The following MGAT5B variants were observed in gnomAD, a reference collection of about 807,000 sequenced individuals.
MGAT5B encodes N-acetylglucosaminyl-transferase Vb.
A neutral mutation model predicts 95.1 loss-of-function variants in MGAT5B; 54 were observed. That is an observed-to-expected ratio of 0.57 (90% CI 0.46 to 0.71). MGAT5B has a LOEUF of 0.71. Among genes scored for constraint, MGAT5B ranks in the 30% least tolerant of loss-of-function variants. MGAT5B has a pLI of 0.00. For synonymous variants in MGAT5B, 464 were observed against 451.0 expected (o/e 1.03, Z -0.36); for missense variants, 935 against 1,088.6 (o/e 0.86, Z 1.99).
chr17:76,903,545 T>G (rs1357748926), intron 5 of MGAT5B, among the ~76,000 whole-genome samples, 169 bp downstream of exon 5: 2 of 152,182 alleles, frequency 1.3e-5, no homozygotes, highest in African/African-American at 4.8e-5. Flanking sequence ...AGAGTCTCCC[T>G]CAGGTGTCGG....
chr17:76,887,908 C>T (rs1233628928), intron 3 of MGAT5B, among the ~76,000 whole-genome samples: 2 of 151,908 alleles, frequency 1.3e-5, no homozygotes, highest in East Asian at 1.9e-4. Flanking sequence ...TCCTCTACTC[C>T]CCGCTCCCTC....
intron 3 of MGAT5B, among the ~76,000 whole-genome samples, chr17:76,895,190 C>A (rs941168601): frequency 3.9e-5 from 6 of 151,942 alleles, no homozygotes; most frequent in Non-Finnish European, 8.8e-5. Flanking sequence ...TCAAGGTTGC[C>A]TTCTTCTGAT....
chr17:76,932,446 A>T (rs1562084), intron 10 of MGAT5B, among the ~76,000 whole-genome samples, 199 bp from the exon 11 acceptor site: 9 of 152,068 alleles, frequency 5.9e-5, no homozygotes, highest in African/African-American at 1.7e-4. Context: ...GGTTTCCTTC[A>T]GCTCTGATCT....
chr17:76,922,772 G>A (rs764382510), intron 8 of MGAT5B, among the ~76,000 whole-genome samples: 13 of 152,366 alleles, frequency 8.5e-5, no homozygotes, highest in Admixed American at 2.6e-4. Flanking sequence ...GAAGGTTGGA[G>A]GGATGGAGGA....
intron 3 of MGAT5B, among the ~76,000 whole-genome samples, chr17:76,899,376 G>T (rs1968220866): frequency 6.6e-6 from 1 of 152,152 alleles, no homozygotes; most frequent in Non-Finnish European, 1.5e-5. Context: ...GGGTATGGTG[G>T]CTCACACCTG....
chr17:76,919,995 G>A (rs1304748751), intron 8 of MGAT5B, among the ~76,000 whole-genome samples: 1 of 152,136 alleles, frequency 6.6e-6, no homozygotes, highest in African/African-American at 2.4e-5. Context: ...GGTGACCTGC[G>A]GAAATGCTCC....
intron 12 of MGAT5B, among the ~76,000 whole-genome samples, chr17:76,935,817 AT>A (rs1969635399): frequency 7.1e-6 from 1 of 140,910 alleles, no homozygotes; most frequent in South Asian, 2.1e-4. Context: ...ATATTATATA[AT>A]TATATATACT....
intron 3 of MGAT5B, among the ~76,000 whole-genome samples, chr17:76,887,777 G>A (rs912262886): frequency 2.0e-5 from 3 of 151,368 alleles, no homozygotes; most frequent in South Asian, 2.1e-4. Context: ...GGCTGGTCTC[G>A]AACTCCTGAC....
In MGAT5B at chr17:76,940,264, G is replaced by C; in HGVS notation, c.1585-138G>C. 1 of 1,104,740 alleles carries C rather than the reference G, an allele frequency of 9.1e-7. No homozygotes were observed. The highest frequency in any genetic ancestry group is 1.2e-6 in the Non-Finnish European group (1 of 804,898). 68.4% of individuals were successfully genotyped at this position (1,104,740 alleles called of 1,614,324 possible). ...AGCCCTGTTATAGCTCACATAACAGGCTGAGCAAAAATAATCGCTCCAGGC... is the reference window on the plus strand; with the variant it reads ...AGCCCTGTTATAGCTCACATAACAGCCTGAGCAAAAATAATCGCTCCAGGC... On this transcript the variant is annotated intron_variant, in intron 13 of 17. Transcript: ENST00000569840. The surrounding 1 kb of genome is among the most constrained non-coding windows in gnomAD (Gnocchi z 4.3).
rs149326057 is a variant in MGAT5B at position 76,897,331 on chromosome 17, C to G, written c.330-5224C>G. ...ATGACCACAAACCAGATGTCTTAAA[C>G]CAACAGAAATTTACTCTTTCCCAGT... is the stretch of plus-strand genomic sequence containing the variant. On this transcript the variant is annotated intron_variant, in intron 3 of 17. Coordinates refer to ENST00000569840, the MANE Select transcript of MGAT5B (RefSeq NM_001199172.2). 2.4e-3 allele frequency among the ~76,000 whole-genome samples: 371 copies of G among 152,286 alleles called. 3 individuals carry two copies. Among genetic ancestry groups the G allele is most frequent in the African/African-American group, 8.4e-3 (351 of 41,544 alleles).
At chr17:76,920,301 G>C (rs987946041) in intron 8 of MGAT5B, among the ~76,000 whole-genome samples, 6 of 132,112 alleles carry the variant, frequency 4.5e-5, no homozygotes, top group Non-Finnish European at 9.5e-5. Context: ...GAGAAATGAG[G>C]ACTTGGCCTT....
rs539455042 is a variant in MGAT5B at position 76,893,902 on chromosome 17, C to T, written c.330-8653C>T. Among the ~76,000 whole-genome samples, 13 of 152,300 alleles carry T rather than the reference C, an allele frequency of 8.5e-5. No homozygotes were observed. The South Asian group carries it at 2.7e-3, about 32-fold the overall frequency. ...CCCCCACCCTGTGCATGGACCCCTT[C>T]CAGGTGAAATGGTGCATTCCTGCCT... is the stretch of plus-strand genomic sequence containing the variant. On this transcript the variant is annotated intron_variant, in intron 3 of 17. Transcript: ENST00000569840.
In MGAT5B at chr17:76,912,308, G is replaced by A. The variant is rs549232798; in HGVS notation, c.1025+6121G>A. Among the ~76,000 whole-genome samples the A allele has an allele frequency of 3.3e-5, 5 of 152,244 alleles. No individual in the cohort carries two copies. The highest frequency in any genetic ancestry group is 1.2e-4 in the African/African-American group (5 of 41,532). ...TGGGCAGAGTTCCCAGCGAGCAACC[G>A]CGAGCCCTTCAGGGAGAGGCAGAAG... On this transcript the variant is annotated intron_variant, in intron 8 of 17. Coordinates refer to ENST00000569840, the MANE Select transcript of MGAT5B (RefSeq NM_001199172.2). The surrounding 1 kb of genome is among the most constrained non-coding windows in gnomAD (Gnocchi z 5.0).
At chr17:76,872,022 A>G (rs11870348) in intron 1 of MGAT5B, among the ~76,000 whole-genome samples, 57,177 of 152,024 alleles carry the variant, frequency 0.38, 11,765 homozygotes, top group East Asian at 0.61. Flanking sequence ...CAATAACTAC[A>G]TGTTGAAGGC....
At chr17:76,922,846 A>C (rs1278802614) in intron 8 of MGAT5B, among the ~76,000 whole-genome samples, 1 of 152,152 alleles carries the variant, frequency 6.6e-6, no homozygotes, top group African/African-American at 2.4e-5. Flanking sequence ...AGGTTTTCAC[A>C]TTCCCCTCTC....
rs566284963 is a variant in MGAT5B, at chr17:76,927,719, T to C, written c.1291+989T>C. ...TGTGCGGAGCTGCGTCCCCTCCTCG[T>C]GTCTGGTTCACGCTGCGCTCTTCCA... On this transcript the variant is annotated intron_variant, in intron 10 of 17. Transcript: ENST00000569840. Among the ~76,000 whole-genome samples the C allele has an allele frequency of 9.2e-5, 14 of 152,340 alleles. No individual in the cohort carries two copies. The East Asian group carries it at 2.5e-3, about 27-fold the overall frequency.
At chr17:76,890,963 T>C (rs1261127737) in intron 3 of MGAT5B, among the ~76,000 whole-genome samples, 1 of 48,378 alleles carries the variant, frequency 2.1e-5, no homozygotes, top group Non-Finnish European at 2.9e-5. Flanking sequence ...CTGGGGGCCT[T>C]TTTTTTTTTT....
intron 3 of MGAT5B, among the ~76,000 whole-genome samples, chr17:76,882,934 C>CA (rs1967489771): frequency 6.6e-6 from 1 of 151,956 alleles, no homozygotes. Context: ...AGGCTAGTCT[C>CA]AAACTGCTGA....
At chr17:76,947,476 T>C (rs11653891) in intron 16 of MGAT5B, among the ~76,000 whole-genome samples, 56,753 of 151,880 alleles carry the variant, frequency 0.37, 10,950 homozygotes, top group East Asian at 0.56. Flanking sequence ...CCTGTCCCCA[T>C]GGAGGGCAGG....
Sources: gnomAD v4.1 joint callset for allele counts (sites outside exome capture counted in the v4.1 genomes callset) on GRCh38, gnomAD v4.1.1 for gene constraint, Gnocchi (gnomAD v3.1) non-coding constraint, MANE v1.5 for transcripts, NCBI Gene and HGNC (gene_info 2026-07-23, HGNC 2026-07-21) for gene names.